Variants in SDK1 observed in about 807,000 individuals in gnomAD.
SDK1 encodes sidekick cell adhesion molecule 1.
In SDK1, 157 loss-of-function variants were observed where a neutral mutation model predicts 245.5. That is an observed-to-expected ratio of 0.64 (90% CI 0.56 to 0.73). The LOEUF (loss-of-function observed/expected upper bound fraction) is 0.73, where lower values mean the gene tolerates loss of function less well. Among genes scored for constraint, SDK1 ranks in the 30% least tolerant of loss-of-function variants. SDK1 has a pLI of 0.00. For missense variants in SDK1, 3,583 were observed against 3,002.3 expected (o/e 1.19, Z -4.52); for synonymous variants, 1,647 against 1,278.5 (o/e 1.29, Z -6.15).
rs144065915 is a variant in SDK1 at position 3,548,801 on chromosome 7, G to T, written c.299-70279G>T. On this transcript the variant is annotated intron_variant, in intron 1 of 44. Transcript: ENST00000404826. ...TATTGGCAAGTTTCTAATTAACCTA[G>T]GGCTTCCTGTGAAATAGGGAGAAGC... is the stretch of plus-strand genomic sequence containing the variant. Among the ~76,000 whole-genome samples, 18 of 152,196 alleles carry T rather than the reference G, an allele frequency of 1.2e-4. No individual in the cohort carries two copies. The East Asian group carries it at 3.1e-3, about 26-fold the overall frequency.
intron 1 of SDK1, among the ~76,000 whole-genome samples, chr7:3,349,335 A>T (rs921708673): frequency 6.6e-5 from 10 of 151,692 alleles, no homozygotes; most frequent in Middle Eastern, 3.4e-3. Flanking sequence ...CTTAAAGAGA[A>T]CGTCATTCTT....
At chr7:3,883,558 C>T (rs1781258518) in intron 5 of SDK1, among the ~76,000 whole-genome samples, 1 of 152,146 alleles carries the variant, frequency 6.6e-6, no homozygotes, top group South Asian at 2.1e-4. Flanking sequence ...ACATGGGGAC[C>T]AACAGAAGAC....
At chr7:4,199,631 T>C (rs1783775278) in intron 35 of SDK1, among the ~76,000 whole-genome samples, 1 of 152,180 alleles carries the variant, frequency 6.6e-6, no homozygotes, top group Non-Finnish European at 1.5e-5. Flanking sequence ...CTCGGTTTGT[T>C]AGAATTGCAG....
chr7:4,056,260 A>G (rs1779189003), intron 19 of SDK1, among the ~76,000 whole-genome samples: 1 of 151,788 alleles, frequency 6.6e-6, no homozygotes, highest in African/African-American at 2.4e-5. Flanking sequence ...GTCAAATATC[A>G]CATTAAAAGA....
In SDK1 at chr7:3,909,636, A is replaced by G. The variant is rs558282508; in HGVS notation, c.848-41287A>G. 4.6e-5 allele frequency among the ~76,000 whole-genome samples: 7 copies of G among 152,350 alleles called. No individual in the cohort carries two copies. The South Asian group carries it at 1.4e-3, about 32-fold the overall frequency. ...ATGTGTGTCCGTGGAGCTGGCCTATATGCGCTCTCCAGTATGAGGCTGTAT... is the reference window on the plus strand; with the variant it reads ...ATGTGTGTCCGTGGAGCTGGCCTATGTGCGCTCTCCAGTATGAGGCTGTAT... On this transcript the variant is annotated intron_variant, in intron 5 of 44. Coordinates refer to ENST00000404826, the MANE Select transcript of SDK1 (RefSeq NM_152744.4).
intron 5 of SDK1, among the ~76,000 whole-genome samples, chr7:3,910,434 G>C (rs1196229134): frequency 6.6e-6 from 1 of 152,148 alleles, no homozygotes; most frequent in African/African-American, 2.4e-5. Context: ...GAAGAGGCCA[G>C]ATTTCTGTGT....
chr7:3,680,844 T>TG (rs1784077061), intron 4 of SDK1, among the ~76,000 whole-genome samples: 1 of 151,988 alleles, frequency 6.6e-6, no homozygotes, highest in Admixed American at 6.6e-5. Context: ...TATTTATTTA[T>TG]TTATTTATGT....
intron 1 of SDK1, among the ~76,000 whole-genome samples, chr7:3,334,620 C>T (rs1403915282): frequency 6.6e-6 from 1 of 152,156 alleles, no homozygotes; most frequent in Non-Finnish European, 1.5e-5. Context: ...TGGCACCATT[C>T]TTCACTTACA....
At chr7:4,240,469 A>G (rs1786449074) in intron 42 of SDK1, among the ~76,000 whole-genome samples, 1 of 151,782 alleles carries the variant, frequency 6.6e-6, no homozygotes, top group African/African-American at 2.4e-5. Flanking sequence ...CTCACCTCCC[A>G]TCATCCCAAA....
intron 5 of SDK1, among the ~76,000 whole-genome samples, chr7:3,926,836 G>A (rs572496061): frequency 6.6e-6 from 1 of 152,340 alleles, no homozygotes; most frequent in Non-Finnish European, 1.5e-5. Flanking sequence ...GTGTGACCCA[G>A]GCCACATCAG....
At chr7:3,545,516 G>A (rs181462414) in intron 1 of SDK1, among the ~76,000 whole-genome samples, 4 of 152,264 alleles carry the variant, frequency 2.6e-5, no homozygotes, top group East Asian at 1.9e-4. Flanking sequence ...ATTTATCTGC[G>A]TGTATTTTCT....
intron 1 of SDK1, among the ~76,000 whole-genome samples, chr7:3,365,442 T>C (rs1219754992): frequency 1.3e-5 from 2 of 152,154 alleles, no homozygotes; most frequent in Non-Finnish European, 2.9e-5. Context: ...ATAAAAATAA[T>C]TGAGTTTGTA....
At chr7:4,101,233 C>T (rs1295599413) in intron 22 of SDK1, among the ~76,000 whole-genome samples, 1 of 151,970 alleles carries the variant, frequency 6.6e-6, no homozygotes, top group African/African-American at 2.4e-5. Flanking sequence ...GCTCCGCCTC[C>T]CGGGTTCACA....
intron 32 of SDK1, among the ~76,000 whole-genome samples, chr7:4,167,138 A>G (rs1194876764): frequency 6.6e-6 from 1 of 152,224 alleles, no homozygotes; most frequent in Admixed American, 6.5e-5. Context: ...GCACGCCTGT[A>G]ATCCCAGCAC....
chr7:3,328,643 C>G (rs1457294762), intron 1 of SDK1, among the ~76,000 whole-genome samples: 1 of 151,674 alleles, frequency 6.6e-6, no homozygotes, highest in African/African-American at 2.4e-5. Context: ...TTCATAAAAT[C>G]TTTTTATGTT....
intron 19 of SDK1, among the ~76,000 whole-genome samples, chr7:4,058,570 T>C (rs955433918): frequency 1.3e-5 from 2 of 152,176 alleles, no homozygotes; most frequent in Non-Finnish European, 2.9e-5. Flanking sequence ...TTATCAAAAG[T>C]TGAAGACAGA....
chr7:4,058,422 C>A (rs938316527), intron 19 of SDK1, among the ~76,000 whole-genome samples: 13 of 151,934 alleles, frequency 8.6e-5, no homozygotes, highest in African/African-American at 2.9e-4. Flanking sequence ...CAAAGGGATA[C>A]AAACCTGATT....
chr7:3,791,357 G>T (rs752050745), intron 4 of SDK1, among the ~76,000 whole-genome samples: 20 of 152,134 alleles, frequency 1.3e-4, no homozygotes, highest in Non-Finnish European at 2.2e-4. Flanking sequence ...AGGTATCGGG[G>T]CTCCGTATTT....
chr7:4,187,060 T>G (rs1259930538), intron 35 of SDK1, among the ~76,000 whole-genome samples: 2 of 152,162 alleles, frequency 1.3e-5, no homozygotes, highest in Non-Finnish European at 2.9e-5. Context: ...CCATCTTGAC[T>G]GTGTTTGCAG....
Sources: gnomAD v4.1 joint callset for allele counts (sites outside exome capture counted in the v4.1 genomes callset) on GRCh38, gnomAD v4.1.1 for gene constraint, MANE v1.5 for transcripts, NCBI Gene and HGNC (gene_info 2026-07-23, HGNC 2026-07-21) for gene names.